Variants in MAP2K6 observed in about 807,000 individuals in gnomAD.
MAP2K6 encodes the protein mitogen-activated protein kinase kinase 6.
Under a neutral mutation model 53.7 loss-of-function variants are expected in MAP2K6, and 16 were observed. The ratio of observed to expected loss-of-function variants is 0.30; its 90% CI spans 0.20 to 0.45. The LOEUF (loss-of-function observed/expected upper bound fraction) is 0.45, where lower values mean the gene tolerates loss of function less well. MAP2K6 is among the 20% of genes least tolerant of loss of function. MAP2K6 has a pLI of 1.00. For missense variants in MAP2K6, 204 were observed against 411.9 expected, an observed-to-expected ratio of 0.50 and a Z score of 4.37; for synonymous variants, 132 against 143.1, an observed-to-expected ratio of 0.92 and a Z score of 0.55.
Position 69,508,041 on chromosome 17 carries a change from G to GTTTTTTTTT in MAP2K6, c.83+2214_83+2222dup, listed in dbSNP as rs71144698. Among the ~76,000 whole-genome samples, 83 of 44,896 alleles carry GTTTTTTTTT rather than the reference G, an allele frequency of 1.8e-3. 36 individuals are homozygous for GTTTTTTTTT. The highest frequency in any genetic ancestry group is 2.4e-3 in the Non-Finnish European group (62 of 26,336). 29.5% of individuals were successfully genotyped at this position (44,896 alleles called of 152,430 possible). A position where few individuals can be genotyped will look rare whatever the true frequency, so the allele number is the denominator to read the frequency against. On this transcript the variant is annotated intron_variant, in intron 2 of 11. Coordinates refer to ENST00000590474, the MANE Select transcript of MAP2K6 (RefSeq NM_002758.4). ...TCTGATGTGTAGTGATATATATGTA[G>GTTTTTTTTT]TTTTTTTTTTTTTTTTTTTTTTTTT...
At chr17:69,498,343 G>A (rs1909023981) in intron 1 of MAP2K6, among the ~76,000 whole-genome samples, 1 of 152,050 alleles carries the variant, frequency 6.6e-6, no homozygotes, top group Non-Finnish European at 1.5e-5. Context: ...TGGTAGACAA[G>A]GGCTACTTAA....
chr17:69,463,476 A>T (rs1005188191), intron 1 of MAP2K6, among the ~76,000 whole-genome samples: 1 of 149,974 alleles, frequency 6.7e-6, no homozygotes. Flanking sequence ...GTGTATATAT[A>T]TACACACATA....
In MAP2K6 at chr17:69,536,220, T is replaced by A. The variant is rs541807896; in HGVS notation, c.927+60T>A. On this transcript the variant is annotated intron_variant, in intron 11 of 11. Transcript: ENST00000590474. The stretch of plus-strand genomic sequence containing the variant: ...TGATAGCTACAAAAGGCAAAGTCAC[T>A]AAGACCTAAATTATCATCACATCAC... 2.6e-5 allele frequency: 32 copies of A among 1,228,648 alleles called. No individual in the cohort carries two copies. In the South Asian group the frequency reaches 3.8e-4, roughly 15 times the overall value. The allele number at this position is 1,228,648 out of a possible 1,614,324, so 76.1% of individuals were successfully genotyped here.
intron 4 of MAP2K6, among the ~76,000 whole-genome samples, chr17:69,518,224 A>G (rs1427077318): frequency 6.9e-6 from 1 of 144,788 alleles, no homozygotes; most frequent in Non-Finnish European, 1.5e-5. Flanking sequence ...TAATAATGAT[A>G]CTTCCTTCAT....
intron 3 of MAP2K6, 83 bp from the exon 4 acceptor site, chr17:69,517,417 G>T: frequency 1.5e-6 from 1 of 675,126 alleles, no homozygotes; most frequent in South Asian, 2.7e-5. Flanking sequence ...AGAACATTGA[G>T]AGAAACGAGA....
intron 1 of MAP2K6, among the ~76,000 whole-genome samples, chr17:69,447,389 A>C (rs946892772): frequency 6.6e-6 from 1 of 151,936 alleles, no homozygotes; most frequent in African/African-American, 2.4e-5. Context: ...TCTGTCGCCC[A>C]GATTGGAGTG....
chr17:69,423,509 T>A (rs1348958804), intron 1 of MAP2K6, among the ~76,000 whole-genome samples: 3 of 152,178 alleles, frequency 2.0e-5, no homozygotes, highest in African/African-American at 7.2e-5. Context: ...CATCGAATAC[T>A]GGGGTCTCTT....
intron 1 of MAP2K6, among the ~76,000 whole-genome samples, chr17:69,430,440 G>A (rs939579237): frequency 6.6e-6 from 1 of 152,216 alleles, no homozygotes; most frequent in African/African-American, 2.4e-5. Flanking sequence ...AGGCAATCAT[G>A]TGAGCTTTTA....
intron 1 of MAP2K6, among the ~76,000 whole-genome samples, chr17:69,454,260 G>T (rs946944095): frequency 1.3e-5 from 2 of 152,208 alleles, no homozygotes; most frequent in Non-Finnish European, 2.9e-5. Context: ...CCAGGTTCCA[G>T]TGATTAAGCC....
rs779819687 is a variant in MAP2K6 at position 69,552,560 on chromosome 17, G to A, written c.*10807G>A. 5 of 152,162 alleles carry A rather than the reference G, an allele frequency of 3.3e-5. No individual in the cohort carries two copies. Among genetic ancestry groups the A allele is most frequent in the Non-Finnish European group, 7.3e-5 (5 of 68,028 alleles). 9.4% of individuals were successfully genotyped at this position (152,162 alleles called of 1,614,324 possible). A position where few individuals can be genotyped will look rare whatever the true frequency, so the allele number is the denominator to read the frequency against. On this transcript the variant is annotated 3_prime_UTR_variant, in exon 12 of 12. Coordinates refer to ENST00000590474, the MANE Select transcript of MAP2K6 (RefSeq NM_002758.4). ...GTAAAGACCTGTAAAGCATGTGGGT[G>A]GAATGTTTCCATGCTCTTGAGGTGA...
At chr17:69,540,848 G>A (rs1489565292) in intron 11 of MAP2K6, among the ~76,000 whole-genome samples, 2 of 152,184 alleles carry the variant, frequency 1.3e-5, no homozygotes, top group Non-Finnish European at 2.9e-5. Context: ...TTGGCAAATG[G>A]CTTTAACTGT....
chr17:69,481,471 T>C (rs2145192057), intron 1 of MAP2K6, among the ~76,000 whole-genome samples: 1 of 152,332 alleles, frequency 6.6e-6, no homozygotes, highest in African/African-American at 2.4e-5. Flanking sequence ...AACATGGGTG[T>C]ACAGATATCT....
At chr17:69,421,838 C>T (rs866854845) in intron 1 of MAP2K6, among the ~76,000 whole-genome samples, 19 of 151,936 alleles carry the variant, frequency 1.3e-4, no homozygotes, top group African/African-American at 4.1e-4. Flanking sequence ...CCACCACGCC[C>T]GGCCCAGAGA....
intron 9 of MAP2K6, 24 bp from the exon 10 acceptor site, chr17:69,526,546 C>T (rs779203961): frequency 3.7e-6 from 6 of 1,610,590 alleles, no homozygotes; most frequent in South Asian, 1.1e-5. Flanking sequence ...AAACTGTTGT[C>T]TCCTTTTTTC....
At chr17:69,441,440 T>C (rs2145148507) in intron 1 of MAP2K6, among the ~76,000 whole-genome samples, 1 of 152,366 alleles carries the variant, frequency 6.6e-6, no homozygotes, top group African/African-American at 2.4e-5. Context: ...TTTTGAATTT[T>C]GGTTGTTGTA....
At chr17:69,534,563 T>TCTC (rs5821717) in intron 10 of MAP2K6, among the ~76,000 whole-genome samples, 1 of 142,512 alleles carries the variant, frequency 7.0e-6, no homozygotes, top group East Asian at 2.0e-4. Flanking sequence ...TCTCTCTCTC[T>TCTC]TTTTTTTTTT....
At chr17:69,522,289 A>G (rs1598308413) in intron 7 of MAP2K6, among the ~76,000 whole-genome samples, 1 of 152,236 alleles carries the variant, frequency 6.6e-6, no homozygotes, top group East Asian at 1.9e-4. Flanking sequence ...AGAAGAAAAT[A>G]GGAAGGAATA....
chr17:69,502,695 A>T (rs983422340), intron 1 of MAP2K6: 64 of 985,304 alleles, frequency 6.5e-5, no homozygotes, highest in Non-Finnish European at 7.5e-5. Flanking sequence ...GGTAAGAATG[A>T]TGTTGATGTG....
intron 1 of MAP2K6, among the ~76,000 whole-genome samples, chr17:69,443,698 T>G (rs1906888331): frequency 6.6e-6 from 1 of 152,160 alleles, no homozygotes; most frequent in African/African-American, 2.4e-5. Flanking sequence ...GTAAAGGGGT[T>G]GACTGACACT....
Sources: allele counts gnomAD v4.1 joint callset (sites outside exome capture counted in the v4.1 genomes callset), GRCh38; gene constraint gnomAD v4.1.1; transcripts MANE v1.5; gene names NCBI Gene and HGNC (gene_info 2026-07-23, HGNC 2026-07-21).